MINDY4: variants seen among roughly 807,000 people sequenced by gnomAD.
MINDY4 encodes probable ubiquitin carboxyl-terminal hydrolase MINDY-4.
A neutral mutation model predicts 87.0 loss-of-function variants in MINDY4; 68 were observed. The ratio of observed to expected loss-of-function variants is 0.78; its 90% CI spans 0.64 to 0.96. MINDY4 has a LOEUF of 0.96. MINDY4 is among the 40% of genes least tolerant of loss of function. The probability of loss-of-function intolerance (pLI) is 0.00; values close to 1 mark genes in which losing one functional copy is unlikely to be tolerated. For missense variants in MINDY4, 919 were observed against 928.2 expected (o/e 0.99, Z 0.13); for synonymous variants, 379 against 363.2 (o/e 1.04, Z -0.50).
chr7:30,881,972 C>T (rs1016084486), intron 15 of MINDY4, among the ~76,000 whole-genome samples: 44 of 152,070 alleles, frequency 2.9e-4, no homozygotes, highest in Non-Finnish European at 5.6e-4. Context: ...AGAGGCCCTG[C>T]GAGCAGCAGC....
rs6969332 is a variant in MINDY4 at position 30,788,792 on chromosome 7, C to T, written c.664-2373C>T. On this transcript the variant is annotated intron_variant, in intron 4 of 17. Transcript: ENST00000265299. ...GTGCAGTGCCAGCTGCCATCCTCCA[C>T]GGTCAGCGGAATGCCTGCCGTGTCC... 4.4e-3 allele frequency among the ~76,000 whole-genome samples: 665 copies of T among 152,304 alleles called. 3 individuals carry two copies. The highest frequency in any genetic ancestry group is 7.1e-3 in the Non-Finnish European group (482 of 68,034).
chr7:30,868,429 A>T (rs1790003782), intron 13 of MINDY4, among the ~76,000 whole-genome samples: 1 of 152,188 alleles, frequency 6.6e-6, no homozygotes, highest in Non-Finnish European at 1.5e-5. Context: ...TGAGAGAAAG[A>T]TGCATTTGAA....
chr7:30,810,764 A>G (rs1787970109), intron 5 of MINDY4, among the ~76,000 whole-genome samples: 1 of 152,198 alleles, frequency 6.6e-6, no homozygotes, highest in Non-Finnish European at 1.5e-5. Context: ...TAAAGGTGAA[A>G]TTTAGCTTAT....
intron 17 of MINDY4, among the ~76,000 whole-genome samples, chr7:30,887,667 T>A (rs1790671484): frequency 6.6e-6 from 1 of 152,114 alleles, no homozygotes; most frequent in Admixed American, 6.5e-5. Flanking sequence ...GCTGGCCTGG[T>A]GGGGGTCGTG....
intron 5 of MINDY4, among the ~76,000 whole-genome samples, chr7:30,794,566 C>G (rs570417044): frequency 6.6e-6 from 1 of 152,296 alleles, no homozygotes; most frequent in Non-Finnish European, 1.5e-5. Context: ...GTGTGAGTAT[C>G]TGTGCAGTCA....
intron 13 of MINDY4, among the ~76,000 whole-genome samples, chr7:30,860,701 C>T (rs1158274879): frequency 7.2e-5 from 11 of 152,166 alleles, no homozygotes; most frequent in Admixed American, 5.2e-4. Flanking sequence ...TGGGAGTGGG[C>T]GCCTTGTTAC....
Position 30,791,485 on chromosome 7 carries a change from G to T in MINDY4, c.984G>T (p.Lys328Asn). The change falls in exon 5 of 18, where the codon AAG becomes AAT. Residue 328 changes from lysine to asparagine, a missense_variant. Physicochemically the swap from Lys to Asn is moderately conservative, Grantham distance 94. Coordinates refer to ENST00000265299, the MANE Select transcript of MINDY4 (RefSeq NM_032222.3). ...CAGACACGGACAGGATGCCCTTGAA[G>T]CTCTACTTGCCTGGTGGTAATTCCA... Reference protein sequence around the residue: ...GSTDTDRMPLKLYLPGGNSRM... With the variant: ...GSTDTDRMPLNLYLPGGNSRM... 1 of 1,614,046 alleles carries T rather than the reference G, an allele frequency of 6.2e-7. No individual in the cohort carries two copies. Among genetic ancestry groups the T allele is most frequent in the Non-Finnish European group, 8.5e-7 (1 of 1,179,962 alleles).
rs141112932 is a variant in MINDY4 at position 30,826,744 on chromosome 7, A to G, written c.1074-1935A>G. Among the ~76,000 whole-genome samples, 826 of 152,344 alleles carry G rather than the reference A, an allele frequency of 5.4e-3. 10 individuals are homozygous for G. Among genetic ancestry groups the G allele is most frequent in the Admixed American group, 7.2e-3 (110 of 15,304 alleles). ...ATAGGGTTACTTGCTGTGTAACCCTAGGAAAATTACTAAACATCTTTGAGG... is the reference window on the plus strand; with the variant it reads ...ATAGGGTTACTTGCTGTGTAACCCTGGGAAAATTACTAAACATCTTTGAGG... On this transcript the variant is annotated intron_variant, in intron 5 of 17. Coordinates refer to ENST00000265299, the MANE Select transcript of MINDY4 (RefSeq NM_032222.3).
chr7:30,876,909 T>G (rs1207253554), intron 15 of MINDY4, among the ~76,000 whole-genome samples: 1 of 152,046 alleles, frequency 6.6e-6, no homozygotes, highest in African/African-American at 2.4e-5. Flanking sequence ...GGAAAAAGAC[T>G]AGGGTTTTAA....
intron 6 of MINDY4, among the ~76,000 whole-genome samples, chr7:30,832,065 C>G (rs532323709): frequency 1.3e-5 from 2 of 152,324 alleles, no homozygotes; most frequent in East Asian, 1.9e-4. Context: ...TAAACCAACT[C>G]CCTGCACTTG....
intron 10 of MINDY4, 62 bp from the exon 11 acceptor site, chr7:30,852,154 C>T: frequency 1.9e-6 from 3 of 1,601,614 alleles, no homozygotes; most frequent in Non-Finnish European, 2.6e-6. Flanking sequence ...TGGTTTCGCC[C>T]CGGCTGGAGG....
rs1786629387 is a variant in MINDY4 at position 30,771,454 on chromosome 7, GCCCGGCGTGGGC to G, written c.-38_-27del. On this transcript the variant is annotated 5_prime_UTR_variant, in exon 1 of 18. Coordinates refer to ENST00000265299, the MANE Select transcript of MINDY4 (RefSeq NM_032222.3). Reference sequence around the variant, plus strand: ...ACAGACCCAGTTGCCTGGTGCTGCGGCCCGGCGTGGGCCTCGTGGGCAGAGCCAGAGCCAGAG... The same window carrying G: ...ACAGACCCAGTTGCCTGGTGCTGCGGCTCGTGGGCAGAGCCAGAGCCAGAG... The G allele has an allele frequency of 6.3e-6, 10 of 1,584,878 alleles. No individual in the cohort carries two copies. The South Asian group carries it at 1.0e-4, about 17-fold the overall frequency.
intron 5 of MINDY4, among the ~76,000 whole-genome samples, chr7:30,814,188 C>T (rs1787438679): frequency 6.6e-6 from 1 of 152,176 alleles, no homozygotes; most frequent in South Asian, 2.1e-4. Flanking sequence ...CGCAAATTTT[C>T]CAAAAATACA....
chr7:30,827,224 C>T (rs546067425), intron 5 of MINDY4, among the ~76,000 whole-genome samples: 2 of 152,138 alleles, frequency 1.3e-5, no homozygotes, highest in Non-Finnish European at 1.5e-5. Context: ...ATTTTAGAGG[C>T]TTAGTACCAA....
intron 9 of MINDY4, among the ~76,000 whole-genome samples, chr7:30,846,725 G>C (rs1015503826): frequency 1.3e-5 from 2 of 150,544 alleles, no homozygotes; most frequent in Non-Finnish European, 3.0e-5. Context: ...TGGCACCAGG[G>C]ACTGGTTTTG....
At chr7:30,873,957 G>A (rs759365443) in intron 14 of MINDY4, among the ~76,000 whole-genome samples, 4 of 152,162 alleles carry the variant, frequency 2.6e-5, no homozygotes, top group African/African-American at 2.4e-5. Flanking sequence ...GTCCCTCTGC[G>A]GCCATCAGAG....
intron 5 of MINDY4, among the ~76,000 whole-genome samples, chr7:30,820,148 G>A (rs546004115): frequency 2.2e-4 from 34 of 151,860 alleles, no homozygotes; most frequent in Admixed American, 6.5e-4. Context: ...TGATCCGCCC[G>A]CCTCGGCCTC....
chr7:30,775,143 A>G (rs776175371), intron 1 of MINDY4, among the ~76,000 whole-genome samples: 2 of 152,062 alleles, frequency 1.3e-5, no homozygotes, highest in Non-Finnish European at 2.9e-5. Context: ...GTGTCGTACA[A>G]TTCAAATCAG....
chr7:30,839,118 C>A, intron 7 of MINDY4, 82 bp from the exon 8 acceptor site: 2 of 845,884 alleles, frequency 2.4e-6, no homozygotes, highest in Non-Finnish European at 3.6e-6. Context: ...TCAAGAACAA[C>A]TTCTGCAGGA....
Sources: allele counts gnomAD v4.1 joint callset (sites outside exome capture counted in the v4.1 genomes callset), GRCh38; gene constraint gnomAD v4.1.1; transcripts MANE v1.5; gene names NCBI Gene and HGNC (gene_info 2026-07-23, HGNC 2026-07-21).